MTA3: variants seen among roughly 807,000 people sequenced by gnomAD.
The protein encoded by MTA3 is metastasis-associated protein MTA3.
In MTA3, 34 loss-of-function variants were observed where a neutral mutation model predicts 83.5. The observed-to-expected ratio is 0.41, with a 90% CI of 0.31 to 0.54. MTA3 has a LOEUF of 0.54. Among genes scored for constraint, MTA3 ranks in the 20% least tolerant of loss-of-function variants. The pLI, the probability that MTA3 is intolerant of heterozygous loss-of-function variation, is 0.33. For synonymous variants in MTA3, 303 were observed against 252.7 expected (o/e 1.20, Z -1.89); for missense variants, 761 against 726.4 (o/e 1.05, Z -0.55).
At chr2:42,543,390 C>G (rs1676609483) in intron 2 of MTA3, among the ~76,000 whole-genome samples, 1 of 152,074 alleles carries the variant, frequency 6.6e-6, no homozygotes, top group Non-Finnish European at 1.5e-5. Flanking sequence ...GTTGGTCAGG[C>G]TGGTCTCGAA....
chr2:42,583,751 A>T (rs1256849856), intron 3 of MTA3, among the ~76,000 whole-genome samples: 1 of 150,714 alleles, frequency 6.6e-6, no homozygotes, highest in African/African-American at 2.4e-5. Flanking sequence ...CTGGTCTCCA[A>T]CTCCTGGGCT....
chr2:42,517,919 C>G (rs1488415667), intron 2 of MTA3, among the ~76,000 whole-genome samples: 2 of 150,790 alleles, frequency 1.3e-5, no homozygotes, highest in African/African-American at 4.9e-5. Context: ...GGCGTGGTGG[C>G]TCACGCCTGT....
chr2:42,600,467 C>T (rs1218841625), intron 3 of MTA3, among the ~76,000 whole-genome samples: 1 of 151,628 alleles, frequency 6.6e-6, no homozygotes, highest in African/African-American at 2.4e-5. Flanking sequence ...AGGTTACATC[C>T]TATAGTATAT....
intron 10 of MTA3, among the ~76,000 whole-genome samples, chr2:42,696,964 G>C (rs1237671306): frequency 2.0e-5 from 3 of 152,160 alleles, no homozygotes; most frequent in African/African-American, 7.2e-5. Context: ...TATCAAGGAT[G>C]GTTGAAAAGT....
chr2:42,645,765 G>GA (rs1359817321), intron 6 of MTA3, among the ~76,000 whole-genome samples: 2 of 152,148 alleles, frequency 1.3e-5, no homozygotes, highest in Non-Finnish European at 2.9e-5. Flanking sequence ...GGGGTTTAAG[G>GA]AAAAAATTCT....
intron 2 of MTA3, among the ~76,000 whole-genome samples, chr2:42,512,020 A>AT (rs1452561990): frequency 1.3e-4 from 19 of 151,416 alleles, no homozygotes; most frequent in Non-Finnish European, 2.1e-4. Context: ...CCATCTCAAA[A>AT]AAAATAAATA....
At chr2:42,730,936 A>G (rs1172876757) in intron 16 of MTA3, among the ~76,000 whole-genome samples, 1 of 151,954 alleles carries the variant, frequency 6.6e-6, no homozygotes, top group Non-Finnish European at 1.5e-5. Context: ...CAATCTTGGT[A>G]GGTTGTATGT....
intron 13 of MTA3, among the ~76,000 whole-genome samples, chr2:42,708,361 G>A (rs554006479): frequency 2.0e-5 from 3 of 152,282 alleles, no homozygotes; most frequent in African/African-American, 7.2e-5. Flanking sequence ...ACATTCTGTT[G>A]AAGGCGTGTC....
intron 2 of MTA3, among the ~76,000 whole-genome samples, chr2:42,560,413 A>G (rs1677611842): frequency 6.7e-6 from 1 of 149,800 alleles, no homozygotes; most frequent in Admixed American, 6.7e-5. Flanking sequence ...GGAGTGAGCG[A>G]GTGGATCACT....
intron 2 of MTA3, among the ~76,000 whole-genome samples, chr2:42,556,460 C>T (rs1677396626): frequency 6.6e-6 from 1 of 152,224 alleles, no homozygotes; most frequent in Non-Finnish European, 1.5e-5. Context: ...TTAGTTTAAT[C>T]AGCACTGGCC....
intron 5 of MTA3, among the ~76,000 whole-genome samples, chr2:42,642,311 C>G (rs1479374369): frequency 1.3e-5 from 2 of 151,888 alleles, no homozygotes; most frequent in East Asian, 1.9e-4. Flanking sequence ...ATTGGAGTAC[C>G]ATGCTAATAG....
intron 3 of MTA3, among the ~76,000 whole-genome samples, chr2:42,600,692 C>T (rs142668905): frequency 4.7e-4 from 72 of 152,020 alleles, no homozygotes; most frequent in African/African-American, 1.6e-3. Flanking sequence ...AGGGATGCGC[C>T]ACCACACCTG....
At chr2:42,541,616 A>C (rs1419763731) in intron 2 of MTA3, among the ~76,000 whole-genome samples, 1 of 152,156 alleles carries the variant, frequency 6.6e-6, no homozygotes, top group East Asian at 1.9e-4. Context: ...GATGAGGTGT[A>C]TTAAGTGTGT....
At chr2:42,546,007 T>C (rs776030116) in intron 2 of MTA3, among the ~76,000 whole-genome samples, 17 of 152,184 alleles carry the variant, frequency 1.1e-4, no homozygotes, top group Non-Finnish European at 4.4e-5. Flanking sequence ...ATCGCAATGA[T>C]AATGGTACTA....
chr2:42,666,686 G>A (rs372418138), intron 8 of MTA3, among the ~76,000 whole-genome samples: 1 of 152,150 alleles, frequency 6.6e-6, no homozygotes, highest in Non-Finnish European at 1.5e-5. Context: ...ATTATTTTGT[G>A]TCTCTTTCTC....
chr2:42,741,285 A>G (rs1284826871), intron 16 of MTA3, among the ~76,000 whole-genome samples: 1 of 152,210 alleles, frequency 6.6e-6, no homozygotes, highest in Non-Finnish European at 1.5e-5. Context: ...TTGATCTTGT[A>G]TTCAGGCCAC....
intron 2 of MTA3, among the ~76,000 whole-genome samples, chr2:42,555,192 T>G (rs141915370): frequency 0.014 from 2,122 of 151,682 alleles, 49 homozygotes; most frequent in African/African-American, 0.048. Context: ...GGCCGGACAT[T>G]GTGGCTCATG....
rs1187810553 is a variant in MTA3 at position 42,722,957 on chromosome 2, C to T, written c.1681C>T (p.Arg561Trp). 5 of 1,551,158 alleles carry T rather than the reference C, an allele frequency of 3.2e-6. No individual in the cohort carries two copies. The highest frequency in any genetic ancestry group is 2.4e-5 in the East Asian group (1 of 40,916). The change falls in exon 16 of 17, where the codon CGG becomes TGG. Residue 561 changes from arginine (R) to tryptophan (W), a missense_variant. Physicochemically the swap from Arg to Trp is moderately radical, Grantham distance 101. Transcript: ENST00000405094. ...AAGCCTGCAAACCCCAACTACCAAG[C>T]GGATGCTAACAACTCCAAATCACAC... Reference protein sequence around the residue: ...TPSLQTPTTKRMLTTPNHTSL... With the variant: ...TPSLQTPTTKWMLTTPNHTSL...
Position 42,681,096 on chromosome 2 carries a change from GC to G in MTA3, c.703-1302del, listed in dbSNP as rs374700446. Among the ~76,000 whole-genome samples, 93 of 152,230 alleles carry G rather than the reference GC, an allele frequency of 6.1e-4. 2 individuals carry two copies. In the South Asian group the frequency reaches 0.018, roughly 30 times the overall value. ...GTAACTTTTGCAGAAGTAACCTCGG[GC>G]CCAGGAGTTCAACGTTATGGTGCTT... is the stretch of plus-strand genomic sequence containing the variant. On this transcript the variant is annotated intron_variant, in intron 8 of 16. Transcript: ENST00000405094.
Sources: allele counts gnomAD v4.1 joint callset (sites outside exome capture counted in the v4.1 genomes callset), GRCh38; gene constraint gnomAD v4.1.1; transcripts MANE v1.5; gene names NCBI Gene and HGNC (gene_info 2026-07-23, HGNC 2026-07-21).